The following OSBPL9 variants were observed in gnomAD, a reference collection of about 807,000 sequenced individuals.
OSBPL9 encodes the protein oxysterol-binding protein-related protein 9.
OSBPL9 carries 40 observed loss-of-function variants against 106.6 expected under a neutral mutation model. The observed-to-expected ratio is 0.38, with a 90% CI of 0.29 to 0.49. The LOEUF (loss-of-function observed/expected upper bound fraction) is 0.49, where lower values mean the gene tolerates loss of function less well. Ranked by LOEUF, OSBPL9 falls within the 20% of genes least tolerant of loss-of-function variation. The probability of loss-of-function intolerance (pLI) is 0.97; values close to 1 mark genes in which losing one functional copy is unlikely to be tolerated. For missense variants in OSBPL9, 609 were observed against 887.2 expected (o/e 0.69, Z 3.98); for synonymous variants, 269 against 295.4 (o/e 0.91, Z 0.92).
Position 51,760,594 on chromosome 1 carries a change from C to G in OSBPL9, c.583-96C>G. Reference sequence around the variant, plus strand: ...TTGATCAACATATCTATATAGCTACCCTCAGGATTTTGAAGTCATAAATGT... The same window carrying G: ...TTGATCAACATATCTATATAGCTACGCTCAGGATTTTGAAGTCATAAATGT... On this transcript the variant is annotated intron_variant, in intron 9 of 23. Transcript: ENST00000428468. 5 of 1,562,958 alleles carry G rather than the reference C, an allele frequency of 3.2e-6. No individual in the cohort carries two copies. In the South Asian group the frequency reaches 5.8e-5, roughly 18 times the overall value.
At chr1:51,682,996 C>G (rs971856195) in intron 3 of OSBPL9, among the ~76,000 whole-genome samples, 3 of 151,750 alleles carry the variant, frequency 2.0e-5, no homozygotes, top group African/African-American at 7.3e-5. Context: ...CCTACCTTAG[C>G]CTCCCGAGTA....
At chr1:51,655,905 T>G (rs1368931572) in intron 2 of OSBPL9, among the ~76,000 whole-genome samples, 1 of 152,374 alleles carries the variant, frequency 6.6e-6, no homozygotes, top group East Asian at 1.9e-4. Flanking sequence ...TCCCTCTGTG[T>G]GCACACACGT....
chr1:51,571,305 T>C, the OSBPL9 span, among the ~76,000 whole-genome samples: 5 of 152,328 alleles, frequency 3.3e-5, no homozygotes, highest in East Asian at 7.7e-4. Context: ...AGAGCACTTA[T>C]TGTACACCAG....
intron 1 of OSBPL9, among the ~76,000 whole-genome samples, chr1:51,635,864 A>G (rs1570690939): frequency 1.3e-5 from 2 of 152,082 alleles, no homozygotes; most frequent in South Asian, 2.1e-4. Flanking sequence ...ACAGCCCTGA[A>G]TTAAAAAGAT....
At chr1:51,637,738 T>C (rs1276837461) in intron 1 of OSBPL9, among the ~76,000 whole-genome samples, 1 of 152,210 alleles carries the variant, frequency 6.6e-6, no homozygotes, top group African/African-American at 2.4e-5. Flanking sequence ...TTAAGAAGAC[T>C]CTACATTTAG....
At position 51,729,819 on chromosome 1, in the gene OSBPL9, G is replaced by C; in HGVS notation, c.319-15717G>C. The C allele has an allele frequency of 8.0e-7, 1 of 1,243,634 alleles. No homozygotes were observed. Among genetic ancestry groups the C allele is most frequent in the East Asian group, 3.2e-5 (1 of 31,646 alleles). The allele number at this position is 1,243,634 out of a possible 1,614,324, so 77.0% of individuals were successfully genotyped here. On this transcript the variant is annotated intron_variant, in intron 4 of 23. Transcript: ENST00000428468. This position sits in a 1 kb window ranked among gnomAD's most constrained non-coding sequence, Gnocchi z 5.1. ...GACGGGAAAGGGGTGGGGGGTGAAGGGGGTGAAGGGGGTGTCCCGGGGGAC... is the reference window on the plus strand; with the variant it reads ...GACGGGAAAGGGGTGGGGGGTGAAGCGGGTGAAGGGGGTGTCCCGGGGGAC...
intron 2 of OSBPL9, among the ~76,000 whole-genome samples, chr1:51,658,885 T>A (rs909788075): frequency 1.3e-5 from 2 of 152,158 alleles, no homozygotes; most frequent in African/African-American, 4.8e-5. Flanking sequence ...AAAGTCACTC[T>A]ATTCATTGTG....
rs767357432 is a variant in OSBPL9, at chr1:51,784,244, T to C, written c.1625-20T>C. 6.2e-6 allele frequency: 10 copies of C among 1,610,594 alleles called. No homozygotes were observed. The Admixed American group carries it at 1.7e-4, about 27-fold the overall frequency. On this transcript the variant is annotated intron_variant, in intron 18 of 23. Coordinates refer to ENST00000428468, the MANE Select transcript of OSBPL9 (RefSeq NM_024586.6). ...CCACTTGGCACTACTCATCAGAGATTCTGTCCCTTCTCTCCACAGGCTGTG... is the reference window on the plus strand; with the variant it reads ...CCACTTGGCACTACTCATCAGAGATCCTGTCCCTTCTCTCCACAGGCTGTG...
chr1:51,631,459 T>C (rs770982139), intron 1 of OSBPL9, among the ~76,000 whole-genome samples: 7 of 152,010 alleles, frequency 4.6e-5, no homozygotes, highest in Non-Finnish European at 8.8e-5. Context: ...GAAGATCGCT[T>C]GAGCCCAACA....
the OSBPL9 span, among the ~76,000 whole-genome samples, chr1:51,536,806 T>C: frequency 2.0e-4 from 30 of 152,330 alleles, no homozygotes; most frequent in African/African-American, 6.7e-4. Context: ...AGTTATATGA[T>C]GTTGTGTCCT....
intron 4 of OSBPL9, chr1:51,740,254 G>C: frequency 6.8e-7 from 1 of 1,461,422 alleles, no homozygotes; most frequent in Non-Finnish European, 9.0e-7. Context: ...TTCTTTCATT[G>C]GATGAAAGCT....
the OSBPL9 span, among the ~76,000 whole-genome samples, chr1:51,557,777 G>A: frequency 6.6e-6 from 1 of 152,146 alleles, no homozygotes; most frequent in Admixed American, 6.6e-5. Flanking sequence ...GCCTCACAGG[G>A]ATATGGCACA....
the OSBPL9 span, among the ~76,000 whole-genome samples, chr1:51,568,541 A>ATTTTC: frequency 3.3e-5 from 5 of 151,956 alleles, no homozygotes; most frequent in Admixed American, 2.6e-4. Context: ...ATTTAACATA[A>ATTTTC]TTTTCTTTTC....
At chr1:51,576,668 C>T (rs963564188), upstream of OSBPL9, among the ~76,000 whole-genome samples, 1 of 152,014 alleles carries the variant, frequency 6.6e-6, no homozygotes, top group Non-Finnish European at 1.5e-5. Context: ...GCTGGGACCA[C>T]AAGCATGCCA....
At chr1:51,703,729 G>A (rs1387534060) in intron 3 of OSBPL9, among the ~76,000 whole-genome samples, 1 of 152,112 alleles carries the variant, frequency 6.6e-6, no homozygotes, top group Non-Finnish European at 1.5e-5. Context: ...GTTTTCAAAG[G>A]GAATGCTTCC....
the OSBPL9 span, among the ~76,000 whole-genome samples, chr1:51,547,887 G>T: frequency 6.6e-6 from 1 of 151,462 alleles, no homozygotes; most frequent in Admixed American, 6.6e-5. Flanking sequence ...ATAAAATTTA[G>T]AAGTGACATT....
At chr1:51,709,495 A>C (rs1007058842) in intron 3 of OSBPL9, 1 of 152,742 alleles carries the variant, frequency 6.5e-6, no homozygotes, top group Admixed American at 6.5e-5. Flanking sequence ...CTGGCAGCCA[A>C]CGTTGGGAAA....
chr1:51,731,558 C>G (rs1044450861), intron 4 of OSBPL9, among the ~76,000 whole-genome samples: 2 of 152,158 alleles, frequency 1.3e-5, no homozygotes, highest in African/African-American at 4.8e-5. Flanking sequence ...GGCCGGATCT[C>G]TTGAGGTCAG....
At chr1:51,690,217 T>C (rs1009676363) in intron 3 of OSBPL9, among the ~76,000 whole-genome samples, 2 of 152,164 alleles carry the variant, frequency 1.3e-5, no homozygotes, top group African/African-American at 2.4e-5. Flanking sequence ...ACAGATAAAT[T>C]TGGTGAGGCT....
Sources: gnomAD v4.1 joint callset for allele counts (sites outside exome capture counted in the v4.1 genomes callset) on GRCh38, gnomAD v4.1.1 for gene constraint, Gnocchi (gnomAD v3.1) non-coding constraint, MANE v1.5 for transcripts, NCBI Gene and HGNC (gene_info 2026-07-23, HGNC 2026-07-21) for gene names.